The following GLO1 variants were observed in gnomAD, a reference collection of about 807,000 sequenced individuals.
GLO1 encodes glyoxalase I.
In GLO1, 28 loss-of-function variants were observed where a neutral mutation model predicts 26.0. The ratio of observed to expected loss-of-function variants is 1.08; its 90% CI spans 0.80 to 1.48. The LOEUF is 1.48. GLO1 is among the 40% of genes most tolerant of loss of function. The pLI, the probability that GLO1 is intolerant of heterozygous loss-of-function variation, is 0.00. For synonymous variants in GLO1, 78 were observed against 77.6 expected (o/e 1.00, Z -0.03); for missense variants, 225 against 224.8 (o/e 1.00, Z -0.01).
rs772527200 is a variant in GLO1 at position 38,684,498 on chromosome 6, C to A, written c.184G>T (p.Asp62Tyr). ...AGTGAAAACTTCATAATGGGAAAAT[C>A]ACATTTTTGGATTAGCCTGCAATGA... is the stretch of plus-strand genomic sequence containing the variant. ...VLGMTLIQKC[D>Y]FPIMKFSLYF... Residue 62 changes from aspartate to tyrosine, a missense_variant, in exon 3 of 6, where the codon GAT (aspartate) becomes TAT (tyrosine). Asp to Tyr is a radical substitution (Grantham distance 160, BLOSUM62 -3). Coordinates refer to ENST00000373365, the MANE Select transcript of GLO1 (RefSeq NM_006708.3). 1.3e-6 allele frequency: 2 copies of A among 1,545,088 alleles called. No homozygotes were observed. Among genetic ancestry groups the A allele is most frequent in the East Asian group, 4.8e-5 (2 of 41,700 alleles).
intron 2 of GLO1, among the ~76,000 whole-genome samples, chr6:38,686,681 T>C (rs1486378611): frequency 6.6e-6 from 1 of 152,230 alleles, no homozygotes; most frequent in Non-Finnish European, 1.5e-5. Context: ...TGCAACTATT[T>C]GTGTCTTGTT....
chr6:38,702,546 A>T (rs561236506), intron 1 of GLO1, among the ~76,000 whole-genome samples: 1 of 152,316 alleles, frequency 6.6e-6, no homozygotes, highest in East Asian at 1.9e-4. Flanking sequence ...CGATCAAATT[A>T]GTTTGCAGGA....
chr6:38,701,260 C>A (rs1241411641), intron 1 of GLO1, among the ~76,000 whole-genome samples: 1 of 152,172 alleles, frequency 6.6e-6, no homozygotes, highest in East Asian at 1.9e-4. Flanking sequence ...ATGCCTTCTT[C>A]ATAGGGTTGT....
chr6:38,683,221 C>T (rs1761409582), intron 3 of GLO1: 1 of 191,766 alleles, frequency 5.2e-6, no homozygotes, highest in East Asian at 1.2e-4. Flanking sequence ...CTGCCACTTA[C>T]TTGTTTAGAG....
At chr6:38,682,909 C>T (rs752542440) in intron 3 of GLO1, 34 bp from the exon 4 acceptor site, 4 of 1,191,310 alleles carry the variant, frequency 3.4e-6, no homozygotes, top group Non-Finnish European at 5.0e-6. Flanking sequence ...CTACAATGTC[C>T]TAGGGAATAG....
chr6:38,696,897 T>G (rs1196591247), intron 1 of GLO1, among the ~76,000 whole-genome samples: 1 of 151,914 alleles, frequency 6.6e-6, no homozygotes, highest in Non-Finnish European at 1.5e-5. Context: ...AGTGTTATAT[T>G]GCCCCCAACA....
intron 5 of GLO1, among the ~76,000 whole-genome samples, chr6:38,677,847 T>A (rs1445610747): frequency 1.3e-5 from 2 of 152,246 alleles, no homozygotes; most frequent in Non-Finnish European, 2.9e-5. Flanking sequence ...ATGACTAAAA[T>A]GTTATCTTGC....
At chr6:38,699,787 CCT>C (rs1761670656) in intron 1 of GLO1, among the ~76,000 whole-genome samples, 1 of 152,084 alleles carries the variant, frequency 6.6e-6, no homozygotes, top group African/African-American at 2.4e-5. Flanking sequence ...GCTCTCGAAC[CCT>C]GTTTTCTGTT....
chr6:38,677,337 C>A lies in GLO1; in HGVS notation c.513G>T (p.Trp171Cys). Residue 171 changes from tryptophan (W) to cysteine (C), a missense_variant, in exon 6 of 6, where the codon TGG (tryptophan) becomes TGT (cysteine). By Grantham distance (215) the Trp-to-Cys change is radical. Coordinates refer to ENST00000373365, the MANE Select transcript of GLO1 (RefSeq NM_006708.3). Reference sequence around the variant, plus strand: ...TTTTGTTAGGATTCAAAATTTCAATCCAGTAGCCATCAGGATCTTGAATAA... The same window carrying A: ...TTTTGTTAGGATTCAAAATTTCAATACAGTAGCCATCAGGATCTTGAATAA... ...LAFIQDPDGY[W>C]IEILNPNKMA... is the part of the protein sequence containing the mutation. 1.3e-6 allele frequency: 2 copies of A among 1,570,220 alleles called. No homozygotes were observed. The highest frequency in any genetic ancestry group is 1.8e-6 in the Non-Finnish European group (2 of 1,140,096).
chr6:38,689,507 T>C (rs898279361), intron 1 of GLO1, among the ~76,000 whole-genome samples: 1 of 152,228 alleles, frequency 6.6e-6, no homozygotes, highest in African/African-American at 2.4e-5. Flanking sequence ...CCATATATCT[T>C]AGGCACAGCA....
chr6:38,676,961 T>A lies in GLO1; in HGVS notation c.*334A>T, dbSNP rs75200860. On this transcript the variant is annotated 3_prime_UTR_variant, in exon 6 of 6. Coordinates refer to ENST00000373365, the MANE Select transcript of GLO1 (RefSeq NM_006708.3). ...CAACAAAAACATGTTAATTTTTTTT[T>A]AAAAATGATGATTCAAAGGCAGATT... 2,395 of 196,514 alleles carry A rather than the reference T, an allele frequency of 0.012. 62 individuals carry two copies. Among genetic ancestry groups the A allele is most frequent in the African/African-American group, 0.052 (2,226 of 42,878 alleles). 12.2% of individuals were successfully genotyped at this position (196,514 alleles called of 1,614,324 possible).
At chr6:38,701,315 G>T (rs567758569) in intron 1 of GLO1, among the ~76,000 whole-genome samples, 1 of 152,070 alleles carries the variant, frequency 6.6e-6, no homozygotes, top group South Asian at 2.1e-4. Context: ...CCAAGCCAGG[G>T]CCTGGCACAC....
chr6:38,699,640 C>T (rs1030654137), intron 1 of GLO1, among the ~76,000 whole-genome samples: 7 of 152,070 alleles, frequency 4.6e-5, no homozygotes, highest in Admixed American at 1.3e-4. Flanking sequence ...GGTCTATAAA[C>T]GCCCGCTCTG....
chr6:38,696,733 T>C (rs1279402976), intron 1 of GLO1, among the ~76,000 whole-genome samples: 1 of 152,174 alleles, frequency 6.6e-6, no homozygotes, highest in Non-Finnish European at 1.5e-5. Flanking sequence ...TTACCCTCAG[T>C]CTGCAGAAAG....
At chr6:38,698,962 G>T (rs184116974) in intron 1 of GLO1, among the ~76,000 whole-genome samples, 60 of 152,156 alleles carry the variant, frequency 3.9e-4, no homozygotes, top group African/African-American at 1.4e-3. Context: ...TCAAAACCCT[G>T]ACTCATTCCC....
At chr6:38,690,188 A>G (rs1322026037) in intron 1 of GLO1, among the ~76,000 whole-genome samples, 1 of 152,212 alleles carries the variant, frequency 6.6e-6, no homozygotes, top group Non-Finnish European at 1.5e-5. Context: ...CTTACACAAT[A>G]ACTATGTGCC....
chr6:38,677,370 G>T lies in GLO1; in HGVS notation c.480C>A (p.Gly160=). The part of the protein sequence containing the change: ...VKKPDDGKMK[G]LAFIQDPDGY... ...CATCAGGATCTTGAATAAATGCCAGGCCTTTCATTTTACCTGTAAAATGAA... is the reference window on the plus strand; with the variant it reads ...CATCAGGATCTTGAATAAATGCCAGTCCTTTCATTTTACCTGTAAAATGAA... The change falls in exon 6 of 6, where the codon GGC becomes GGA. Residue 160 remains glycine (G), a synonymous_variant. Transcript: ENST00000373365. 1 of 1,503,352 alleles carries T rather than the reference G, an allele frequency of 6.7e-7. No individual in the cohort carries two copies. The highest frequency in any genetic ancestry group is 9.3e-7 in the Non-Finnish European group (1 of 1,080,748). The allele number at this position is 1,503,352 out of a possible 1,614,324, so 93.1% of individuals were successfully genotyped here.
chr6:38,681,502 T>C (rs1398769223), intron 5 of GLO1, among the ~76,000 whole-genome samples: 3 of 152,060 alleles, frequency 2.0e-5, no homozygotes, highest in Non-Finnish European at 4.4e-5. Context: ...CTAAGTAAAA[T>C]AATAACAATA....
intron 1 of GLO1, among the ~76,000 whole-genome samples, chr6:38,700,928 C>T (rs559796508): frequency 6.8e-4 from 104 of 151,968 alleles, no homozygotes; most frequent in African/African-American, 2.3e-3. Flanking sequence ...TACAGGTGCC[C>T]GCCACCATGC....
Sources: gnomAD v4.1 joint callset for allele counts (sites outside exome capture counted in the v4.1 genomes callset) on GRCh38, gnomAD v4.1.1 for gene constraint, MANE v1.5 for transcripts, NCBI Gene and HGNC (gene_info 2026-07-23, HGNC 2026-07-21) for gene names.